USP40: variants seen among roughly 807,000 people sequenced by gnomAD.
The protein encoded by USP40 is ubiquitin carboxyl-terminal hydrolase 40.
A neutral mutation model predicts 166.2 loss-of-function variants in USP40; 143 were observed. The ratio of observed to expected loss-of-function variants is 0.86; its 90% CI spans 0.75 to 0.99. The LOEUF (loss-of-function observed/expected upper bound fraction) is 0.99. USP40 is among the 50% of genes least tolerant of loss of function. The pLI is 0.00. For missense variants in USP40, 1,444 were observed against 1,479.7 expected (o/e 0.98, Z 0.40); for synonymous variants, 498 against 524.0 (o/e 0.95, Z 0.68).
intron 23 of USP40, among the ~76,000 whole-genome samples, chr2:233,497,250 C>T (rs897714997): frequency 6.6e-6 from 1 of 152,118 alleles, no homozygotes; most frequent in African/African-American, 2.4e-5. Context: ...CACACTGATT[C>T]GAGTGGAAAG....
intron 22 of USP40, among the ~76,000 whole-genome samples, chr2:233,498,930 G>T (rs2065898812): frequency 6.6e-6 from 1 of 152,102 alleles, no homozygotes; most frequent in Non-Finnish European, 1.5e-5. Flanking sequence ...CTGAAATTTG[G>T]AATCAATAAA....
chr2:233,520,222 G>A (rs2067558057), intron 17 of USP40, among the ~76,000 whole-genome samples: 1 of 151,982 alleles, frequency 6.6e-6, no homozygotes, highest in Non-Finnish European at 1.5e-5. Flanking sequence ...ACCGATGTCA[G>A]ACAATCTGTC....
chr2:233,519,680 G>C lies in USP40; in HGVS notation c.2326-9C>G, dbSNP rs1559247583. The C allele has an allele frequency of 7.3e-7, 1 of 1,378,086 alleles. No individual in the cohort carries two copies. The highest frequency in any genetic ancestry group is 9.9e-7 in the Non-Finnish European group (1 of 1,007,580). 85.4% of individuals were successfully genotyped at this position (1,378,086 alleles called of 1,614,324 possible). ...CGAATATCAAACACCATCTAAAACA[G>C]AGAAATAAAATAATGACTAAGTTGT... On this transcript the variant is annotated splice_polypyrimidine_tract_variant and intron_variant, in intron 17 of 31. Coordinates refer to ENST00000678225, the MANE Select transcript of USP40 (RefSeq NM_001365479.2).
At chr2:233,508,361 T>C (rs2066573220) in intron 21 of USP40, among the ~76,000 whole-genome samples, 1 of 152,190 alleles carries the variant, frequency 6.6e-6, no homozygotes, top group South Asian at 2.1e-4. Context: ...GACCTATAGG[T>C]TGTCCTTGTC....
chr2:233,560,739 A>T, intron 3 of USP40: 2 of 383,798 alleles, frequency 5.2e-6, no homozygotes, highest in Non-Finnish European at 9.3e-6. Context: ...AACAAACAAA[A>T]TAATTAACTC....
Position 233,559,942 on chromosome 2 carries a change from A to G in USP40, c.268-18T>C, listed in dbSNP as rs201747711. On this transcript the variant is annotated intron_variant, in intron 3 of 31. Transcript: ENST00000678225. The stretch of plus-strand genomic sequence containing the variant: ...ATTCGAACCTGAATGAGAAACAAAC[A>G]CATTTCTAAATGAATTCTTTAAGTG... The G allele has an allele frequency of 2.2e-5, 35 of 1,558,288 alleles. No individual in the cohort carries two copies. The African/African-American group carries it at 4.5e-4, about 20-fold the overall frequency.
chr2:233,497,599 C>T (rs983012650), intron 23 of USP40, among the ~76,000 whole-genome samples: 4 of 152,192 alleles, frequency 2.6e-5, no homozygotes, highest in African/African-American at 9.7e-5. Flanking sequence ...AAGGCTGGAA[C>T]GAGAAGCCAG....
At chr2:233,555,001 C>A (rs954979403) in intron 5 of USP40, among the ~76,000 whole-genome samples, 4 of 152,106 alleles carry the variant, frequency 2.6e-5, no homozygotes, top group African/African-American at 9.7e-5. Flanking sequence ...GCCAGCCTGG[C>A]CAATATGGTG....
Position 233,489,443 on chromosome 2 carries a change from G to A in USP40, c.3053C>T (p.Ser1018Phe), listed in dbSNP as rs1310970541. ...CGTCCAGGCTCTGAGGTGGGCTGGG[G>A]ACGGGACACCGAACTCCAGGAAAGG... The part of the protein sequence containing the change: ...LPPFLEFGVP[S>F]PAHLRAWTVE... Residue 1018 changes from serine to phenylalanine, a missense_variant, in exon 27 of 32, where the codon TCC (serine) becomes TTC (phenylalanine). Coordinates refer to ENST00000678225, the MANE Select transcript of USP40 (RefSeq NM_001365479.2). 2 of 1,608,052 alleles carry A rather than the reference G, an allele frequency of 1.2e-6. No homozygotes were observed. Among genetic ancestry groups the A allele is most frequent in the Non-Finnish European group, 1.7e-6 (2 of 1,177,442 alleles).
intron 4 of USP40, among the ~76,000 whole-genome samples, chr2:233,557,334 C>T (rs2071185419): frequency 6.6e-6 from 1 of 152,198 alleles, no homozygotes; most frequent in African/African-American, 2.4e-5. Context: ...AGGGATATAC[C>T]AGGCACAGAC....
At chr2:233,554,943 GTTGCC>G (rs1212175688) in intron 5 of USP40, among the ~76,000 whole-genome samples, 2 of 151,986 alleles carry the variant, frequency 1.3e-5, no homozygotes, top group African/African-American at 4.8e-5. Context: ...TTTTGCTAGG[GTTGCC>G]TTAAGATATA....
chr2:233,523,611 A>C, intron 15 of USP40, 122 bp from the exon 16 acceptor site: 2 of 962,024 alleles, frequency 2.1e-6, no homozygotes, highest in Non-Finnish European at 3.0e-6. Context: ...TAAAATTTTC[A>C]CAAATGTCTG....
chr2:233,503,813 T>C (rs1202139135), intron 21 of USP40, among the ~76,000 whole-genome samples: 1 of 152,132 alleles, frequency 6.6e-6, no homozygotes, highest in African/African-American at 2.4e-5. Flanking sequence ...ATTACTATCA[T>C]GAAAACACAT....
intron 24 of USP40, among the ~76,000 whole-genome samples, chr2:233,494,907 C>A (rs2065578591): frequency 1.6e-5 from 1 of 61,468 alleles, no homozygotes; most frequent in Non-Finnish European, 3.0e-5. Context: ...CATATACAAG[C>A]AAAATGGCAT....
rs1004332510 is a variant in USP40, at chr2:233,476,548, C to T, written c.*844G>A. 1 of 152,368 alleles carries T rather than the reference C, an allele frequency of 6.6e-6. No homozygotes were observed. Among genetic ancestry groups the T allele is most frequent in the Non-Finnish European group, 1.5e-5 (1 of 68,034 alleles). The allele number at this position is 152,368 out of a possible 1,614,324, so 9.4% of individuals were successfully genotyped here. ...AGGAAACCGGTCAGGCTGCCCAGGACACCTGGAACCTGGGCTATGCCAGGC... is the reference window on the plus strand; with the variant it reads ...AGGAAACCGGTCAGGCTGCCCAGGATACCTGGAACCTGGGCTATGCCAGGC... On this transcript the variant is annotated 3_prime_UTR_variant, in exon 32 of 32. Coordinates refer to ENST00000678225, the MANE Select transcript of USP40 (RefSeq NM_001365479.2).
chr2:233,524,335 G>A (rs1390014015), intron 15 of USP40, among the ~76,000 whole-genome samples, 157 bp downstream of exon 15: 1 of 152,162 alleles, frequency 6.6e-6, no homozygotes, highest in Non-Finnish European at 1.5e-5. Flanking sequence ...TCACTATGAT[G>A]GCCAGGCTGG....
chr2:233,554,061 G>C (rs1263624837), intron 6 of USP40, among the ~76,000 whole-genome samples: 1 of 152,086 alleles, frequency 6.6e-6, no homozygotes, highest in Non-Finnish European at 1.5e-5. Flanking sequence ...AGAAAGCAAA[G>C]CTCAACAAGC....
Position 233,493,791 on chromosome 2 carries a change from A to G in USP40, c.2791-240T>C, listed in dbSNP as rs1575230250. ...CCCTTGCTTAAAGGTATCTTAGTAG[A>G]TAATATAAATGAGAAGCATAAACAA... On this transcript the variant is annotated intron_variant, in intron 24 of 31. Coordinates refer to ENST00000678225, the MANE Select transcript of USP40 (RefSeq NM_001365479.2). This position sits in a 1 kb window ranked among gnomAD's most constrained non-coding sequence, Gnocchi z 4.7. 6.6e-6 allele frequency among the ~76,000 whole-genome samples: 1 copy of G among 152,306 alleles called. No individual in the cohort carries two copies. Among genetic ancestry groups the G allele is most frequent in the East Asian group, 1.9e-4 (1 of 5,192 alleles).
At chr2:233,555,944 C>T (rs534103723) in intron 5 of USP40, among the ~76,000 whole-genome samples, 4 of 151,768 alleles carry the variant, frequency 2.6e-5, no homozygotes, top group African/African-American at 7.3e-5. Flanking sequence ...GAAACCCCGT[C>T]TCTACTAAAA....
Sources: allele counts gnomAD v4.1 joint callset (sites outside exome capture counted in the v4.1 genomes callset), GRCh38; gene constraint gnomAD v4.1.1; non-coding constraint Gnocchi (gnomAD v3.1); transcripts MANE v1.5; gene names NCBI Gene and HGNC (gene_info 2026-07-23, HGNC 2026-07-21).